The following LDLRAD3 variants were observed in gnomAD, a reference collection of about 807,000 sequenced individuals.
LDLRAD3 encodes low-density lipoprotein receptor class A domain-containing protein 3.
LDLRAD3 carries 20 observed loss-of-function variants against 29.4 expected under a neutral mutation model. The ratio of observed to expected loss-of-function variants is 0.68; its 90% CI spans 0.48 to 0.99. The LOEUF is 0.99. LDLRAD3 is among the 50% of genes least tolerant of loss of function. The probability of loss-of-function intolerance (pLI) is 0.00; values close to 1 mark genes in which losing one functional copy is unlikely to be tolerated. For synonymous variants in LDLRAD3, 157 were observed against 192.7 expected (o/e 0.81, Z 1.53); for missense variants, 420 against 454.3 (o/e 0.92, Z 0.69).
chr11:36,122,813 G>A (rs1853778836), intron 4 of LDLRAD3, among the ~76,000 whole-genome samples: 2 of 152,010 alleles, frequency 1.3e-5, no homozygotes, highest in African/African-American at 2.4e-5. Flanking sequence ...AAGCCCAGGA[G>A]TTCAATACCA....
At chr11:36,112,342 A>C (rs1292409175) in intron 4 of LDLRAD3, among the ~76,000 whole-genome samples, 3 of 152,250 alleles carry the variant, frequency 2.0e-5, no homozygotes, top group Non-Finnish European at 4.4e-5. Context: ...AAGACCAGGA[A>C]TACACAACCA....
At chr11:36,078,027 G>A (rs905811904) in intron 2 of LDLRAD3, among the ~76,000 whole-genome samples, 31 of 152,170 alleles carry the variant, frequency 2.0e-4, no homozygotes, top group Admixed American at 1.5e-3. Flanking sequence ...GCTCCTCTCC[G>A]TAGCCAGGGT....
At chr11:36,058,844 C>G (rs553967487) in intron 2 of LDLRAD3, among the ~76,000 whole-genome samples, 18 of 152,334 alleles carry the variant, frequency 1.2e-4, no homozygotes, top group African/African-American at 4.3e-4. Flanking sequence ...AGGACAGTCA[C>G]CTCAACAAAG....
At chr11:36,033,063 G>GCCATGTA (rs1852255825) in intron 1 of LDLRAD3, among the ~76,000 whole-genome samples, 1 of 152,016 alleles carries the variant, frequency 6.6e-6, no homozygotes, top group Non-Finnish European at 1.5e-5. Context: ...TAGTAGAGAA[G>GCCATGTA]GGGTTTCACC....
In LDLRAD3 at chr11:36,229,638, G is replaced by A; in HGVS notation, c.*241G>A. The A allele has an allele frequency of 1.9e-5, 9 of 466,246 alleles. No individual in the cohort carries two copies. Among genetic ancestry groups the A allele is most frequent in the South Asian group, 5.1e-5 (1 of 19,548 alleles). 28.9% of individuals were successfully genotyped at this position (466,246 alleles called of 1,614,324 possible). On this transcript the variant is annotated 3_prime_UTR_variant, in exon 6 of 6. Coordinates refer to ENST00000315571, the MANE Select transcript of LDLRAD3 (RefSeq NM_174902.4). ...AGGTCACTCTTCCCTTGGGACCCGA[G>A]ATCACACCCTCATTTTTCACATTAT...
intron 3 of LDLRAD3, among the ~76,000 whole-genome samples, chr11:36,083,735 T>TACACACACAC (rs59333454): frequency 2.4e-5 from 3 of 126,792 alleles, no homozygotes; most frequent in African/African-American, 6.1e-5. Context: ...AGGGAGAAAT[T>TACACACACAC]ACACACACAC....
intron 1 of LDLRAD3, among the ~76,000 whole-genome samples, chr11:35,949,828 G>A (rs962121716): frequency 5.9e-5 from 9 of 152,200 alleles, no homozygotes; most frequent in African/African-American, 2.2e-4. Flanking sequence ...GTGGCACCCA[G>A]AGGAGGACGA....
intron 1 of LDLRAD3, among the ~76,000 whole-genome samples, chr11:35,977,414 T>G (rs947641615): frequency 1.3e-5 from 2 of 152,088 alleles, no homozygotes; most frequent in Non-Finnish European, 2.9e-5. Flanking sequence ...TTTTAGTAAT[T>G]AGAAAAGGAA....
chr11:36,100,444 T>G (rs1016600711), intron 4 of LDLRAD3, among the ~76,000 whole-genome samples: 1 of 152,106 alleles, frequency 6.6e-6, no homozygotes. Context: ...GTTTCTTTTT[T>G]TGGGGGGATG....
At chr11:36,029,293 A>C (rs1852205948) in intron 1 of LDLRAD3, among the ~76,000 whole-genome samples, 1 of 152,162 alleles carries the variant, frequency 6.6e-6, no homozygotes, top group Non-Finnish European at 1.5e-5. Flanking sequence ...CACTTCTGCC[A>C]TGTGTATGTG....
chr11:36,106,496 G>A (rs1332302637), intron 4 of LDLRAD3, among the ~76,000 whole-genome samples: 1 of 152,186 alleles, frequency 6.6e-6, no homozygotes, highest in East Asian at 1.9e-4. Context: ...GACAGTGACT[G>A]CTTCTTGCCT....
intron 1 of LDLRAD3, chr11:35,967,448 A>G: frequency 6.1e-6 from 2 of 328,366 alleles, no homozygotes; most frequent in Non-Finnish European, 1.2e-5. Context: ...GATTAATCCC[A>G]AGGCAAATAG....
intron 4 of LDLRAD3, among the ~76,000 whole-genome samples, chr11:36,199,151 T>C (rs1326079623): frequency 2.0e-5 from 3 of 152,018 alleles, no homozygotes; most frequent in Non-Finnish European, 4.4e-5. Context: ...CCGCCCACCT[T>C]GGCCTACCAA....
rs557814007 is a variant in LDLRAD3, at chr11:36,007,834, A to G, written c.47-28269A>G. 3.9e-5 allele frequency among the ~76,000 whole-genome samples: 6 copies of G among 152,296 alleles called. No homozygotes were observed. In the East Asian group the frequency reaches 1.2e-3, roughly 29 times the overall value. ...TGGCAGGAGAATCCGACAGGCTGCA[A>G]TGTAAGCTTGTAGTTCAGGTGCTGG... On this transcript the variant is annotated intron_variant, in intron 1 of 5. Transcript: ENST00000315571.
At chr11:35,976,031 G>T (rs1356265679) in intron 1 of LDLRAD3, among the ~76,000 whole-genome samples, 1 of 151,962 alleles carries the variant, frequency 6.6e-6, no homozygotes, top group Non-Finnish European at 1.5e-5. Context: ...TTGATATCAG[G>T]TAAGAGGAGT....
At chr11:36,010,314 G>C (rs1336992099) in intron 1 of LDLRAD3, 1 of 154,300 alleles carries the variant, frequency 6.5e-6, no homozygotes, top group Non-Finnish European at 1.5e-5. Flanking sequence ...ATAGTCAAGA[G>C]ACTAAATAGA....
chr11:36,103,045 A>G (rs1271696840), intron 4 of LDLRAD3, among the ~76,000 whole-genome samples: 2 of 152,126 alleles, frequency 1.3e-5, no homozygotes, highest in African/African-American at 4.8e-5. Flanking sequence ...GTAGATGTTA[A>G]GTATGTTCAC....
intron 4 of LDLRAD3, among the ~76,000 whole-genome samples, chr11:36,223,361 A>G (rs12288587): frequency 0.015 from 2,211 of 152,318 alleles, 63 homozygotes; most frequent in African/African-American, 0.05. Context: ...GTGTTTACAC[A>G]GAAGTCAGCG....
In LDLRAD3 at chr11:36,207,973, AATAG is replaced by A. The variant is rs375341295; in HGVS notation, c.455-19105_455-19102del. Reference sequence around the variant, plus strand: ...AAAGATTATAATAGAAAAGTTTGGAAATAGATAGATCCTGGTTATAAATAAATCA... The same window carrying A: ...AAAGATTATAATAGAAAAGTTTGGAAATAGATCCTGGTTATAAATAAATCA... On this transcript the variant is annotated intron_variant, in intron 4 of 5. Transcript: ENST00000315571. Among the ~76,000 whole-genome samples the A allele has an allele frequency of 4.6e-3, 699 of 150,368 alleles. 10 individuals are homozygous for A. Among genetic ancestry groups the A allele is most frequent in the African/African-American group, 0.016 (665 of 41,216 alleles).
Sources: gnomAD v4.1 joint callset for allele counts (sites outside exome capture counted in the v4.1 genomes callset) on GRCh38, gnomAD v4.1.1 for gene constraint, MANE v1.5 for transcripts, NCBI Gene and HGNC (gene_info 2026-07-23, HGNC 2026-07-21) for gene names.